ZNF280D: variants seen among roughly 807,000 people sequenced by gnomAD.
The protein encoded by ZNF280D is suppressor of hairy wing homolog 4.
A neutral mutation model predicts 94.7 loss-of-function variants in ZNF280D; 39 were observed. The observed-to-expected ratio is 0.41, with a 90% CI of 0.32 to 0.54. The LOEUF (loss-of-function observed/expected upper bound fraction) is 0.54. Among genes scored for constraint, ZNF280D ranks in the 20% least tolerant of loss-of-function variants. The pLI, the probability that ZNF280D is intolerant of heterozygous loss-of-function variation, is 0.22. For synonymous variants in ZNF280D, 398 were observed against 377.6 expected (o/e 1.05, Z -0.63); for missense variants, 1,090 against 1,149.3 (o/e 0.95, Z 0.75).
At chr15:56,641,974 T>C (rs1456803757) in intron 20 of ZNF280D, among the ~76,000 whole-genome samples, 2 of 151,472 alleles carry the variant, frequency 1.3e-5, no homozygotes, top group Non-Finnish European at 3.0e-5. Context: ...ATAATAAGAA[T>C]AGAAAAAGCA....
chr15:56,646,688 G>A (rs1174352213), intron 19 of ZNF280D, among the ~76,000 whole-genome samples: 1 of 152,160 alleles, frequency 6.6e-6, no homozygotes, highest in Non-Finnish European at 1.5e-5. Flanking sequence ...AAAAAAGACT[G>A]TCTCTCCTCT....
chr15:56,700,540 T>C (rs2057000927), intron 6 of ZNF280D: 1 of 1,061,496 alleles, frequency 9.4e-7, no homozygotes, highest in Non-Finnish European at 1.1e-6. Flanking sequence ...AACTGAACTA[T>C]GAAGGAATGT....
At chr15:56,710,659 T>C (rs1262789018) in intron 1 of ZNF280D, among the ~76,000 whole-genome samples, 1 of 151,360 alleles carries the variant, frequency 6.6e-6, no homozygotes, top group Non-Finnish European at 1.5e-5. Context: ...TTATTTTTTC[T>C]ATAAAAAAAA....
chr15:56,651,674 C>T (rs1464101422), intron 19 of ZNF280D, among the ~76,000 whole-genome samples: 6 of 152,018 alleles, frequency 3.9e-5, no homozygotes, highest in Admixed American at 3.9e-4. Flanking sequence ...CCAGGAATAA[C>T]AAAATCCTCA....
intron 20 of ZNF280D, among the ~76,000 whole-genome samples, chr15:56,638,539 T>G (rs1596323082): frequency 1.3e-5 from 2 of 152,122 alleles, no homozygotes; most frequent in Non-Finnish European, 2.9e-5. Flanking sequence ...AAAGAATGTA[T>G]CACAACAGAT....
chr15:56,707,506 C>T (rs545089871), intron 1 of ZNF280D, among the ~76,000 whole-genome samples, 200 bp from the exon 2 acceptor site: 1 of 151,860 alleles, frequency 6.6e-6, no homozygotes, highest in Non-Finnish European at 1.5e-5. Flanking sequence ...ACTTAATACT[C>T]GAAGAAATGT....
chr15:56,668,879 G>A lies in ZNF280D; in HGVS notation c.1489C>T (p.His497Tyr). The A allele has an allele frequency of 6.2e-7, 1 of 1,611,958 alleles. No homozygotes were observed. Among genetic ancestry groups the A allele is most frequent in the East Asian group, 2.2e-5 (1 of 44,690 alleles). Reference sequence around the variant, plus strand: ...TTAGGTTTTATAAATGTTCGATGGTGTTGAGTCTTATGATCCATTTTCTCC... The same window carrying A: ...TTAGGTTTTATAAATGTTCGATGGTATTGAGTCTTATGATCCATTTTCTCC... ...CKEKMDHKTQ[H>Y]HRTFIKPKQL... The change falls in exon 14 of 22, where the codon CAC becomes TAC. Residue 497 changes from histidine (H) to tyrosine (Y), a missense_variant. Transcript: ENST00000267807.
intron 19 of ZNF280D, chr15:56,653,882 G>A: frequency 8.1e-7 from 1 of 1,239,028 alleles, no homozygotes; most frequent in Non-Finnish European, 1.0e-6. Context: ...ACAAAGATAA[G>A]GTGGAATAAG....
At chr15:56,668,996 T>G (rs1466529412) in intron 13 of ZNF280D, 39 bp from the exon 14 acceptor site, 2 of 1,577,094 alleles carry the variant, frequency 1.3e-6, no homozygotes, top group South Asian at 1.2e-5. Flanking sequence ...AAAAATAATT[T>G]CAAAAACTAC....
Position 56,672,442 on chromosome 15 carries a change from C to A in ZNF280D, c.1411-3485G>T, listed in dbSNP as rs538728657. On this transcript the variant is annotated intron_variant, in intron 13 of 21. Transcript: ENST00000267807. ...TTCTGCATCTATTGAGATAATCATG[C>A]GATTTTTGTCTTTAGTTCTGTTTGT... Among the ~76,000 whole-genome samples the A allele has an allele frequency of 3.8e-4, 57 of 151,874 alleles. 2 individuals are homozygous for A. The highest frequency in any genetic ancestry group is 3.7e-3 in the Admixed American group (57 of 15,206).
At position 56,695,663 on chromosome 15, in the gene ZNF280D, G is replaced by C. The variant is rs189954596; in HGVS notation, c.382-2448C>G. 2.5e-3 allele frequency among the ~76,000 whole-genome samples: 383 copies of C among 151,494 alleles called. 2 individuals carry two copies. Among genetic ancestry groups the C allele is most frequent in the African/African-American group, 9.0e-3 (371 of 41,286 alleles). On this transcript the variant is annotated intron_variant, in intron 6 of 21. Transcript: ENST00000267807. ...TCCTGCCTCAGCCTCCCGAGTAGCC[G>C]GGACTACAGGTGCACACCACCATGC...
At chr15:56,716,851 C>A (rs74755324) in intron 1 of ZNF280D, among the ~76,000 whole-genome samples, 1 of 152,086 alleles carries the variant, frequency 6.6e-6, no homozygotes, top group Non-Finnish European at 1.5e-5. Context: ...TTTATTGGCT[C>A]ATTTGTAGAA....
Position 56,631,710 on chromosome 15 carries a change from C to T in ZNF280D, c.2728G>A (p.Val910Ile). 1.9e-6 allele frequency: 3 copies of T among 1,614,190 alleles called. 1 individual carries two copies. The South Asian group carries it at 3.3e-5, about 18-fold the overall frequency. The change falls in exon 22 of 22, where the codon GTT (valine) becomes ATT (isoleucine). Residue 910 changes from valine to isoleucine, a missense_variant. By Grantham distance (29) the Val-to-Ile change is conservative (BLOSUM62 3). Transcript: ENST00000267807. The part of the protein sequence containing the change: ...RHEPESVSSD[V>I]SEQGSIHLEP... ...AAATGAATACTGCCTTGCTCGCTAA[C>T]ATCAGAACTAACAGATTCAGGTTCA...
intron 9 of ZNF280D, among the ~76,000 whole-genome samples, chr15:56,686,723 T>G (rs1401915538): frequency 6.6e-6 from 1 of 152,156 alleles, no homozygotes; most frequent in East Asian, 1.9e-4. Context: ...GAATACCCCC[T>G]ATACTTTACA....
At chr15:56,700,741 A>G (rs1470172939) in intron 6 of ZNF280D, 192 bp downstream of exon 6, 2 of 1,478,558 alleles carry the variant, frequency 1.4e-6, no homozygotes, top group South Asian at 2.8e-5. Context: ...CAGGTTGGGT[A>G]GTTAGCTCCT....
intron 6 of ZNF280D, among the ~76,000 whole-genome samples, chr15:56,696,205 A>C (rs1735395307): frequency 6.6e-6 from 1 of 152,222 alleles, no homozygotes; most frequent in African/African-American, 2.4e-5. Context: ...ATAAAACATA[A>C]TCTTACTTCA....
intron 9 of ZNF280D, among the ~76,000 whole-genome samples, chr15:56,686,390 C>T (rs2056017964): frequency 6.6e-6 from 1 of 152,156 alleles, no homozygotes; most frequent in African/African-American, 2.4e-5. Context: ...CTGCTGGCCT[C>T]GGCCTCCCAA....
intron 10 of ZNF280D, among the ~76,000 whole-genome samples, chr15:56,681,620 T>C (rs952204117): frequency 6.6e-6 from 1 of 152,298 alleles, no homozygotes; most frequent in East Asian, 1.9e-4. Flanking sequence ...TTTCTCTTGT[T>C]ACTAATTTAT....
Position 56,733,492 on chromosome 15 carries a change from G to C in ZNF280D, c.-120C>G, listed in dbSNP as rs1327714888. ...AGCGGATCGGCCTGACTGGAGCCCT[G>C]AGGAGGAGGAGAAAGAGGAGGAGGA... is the stretch of plus-strand genomic sequence containing the variant. On this transcript the variant is annotated 5_prime_UTR_variant, in exon 1 of 22. Coordinates refer to ENST00000267807, the MANE Select transcript of ZNF280D (RefSeq NM_017661.4). The C allele has an allele frequency of 5.3e-6, 6 of 1,136,988 alleles. No homozygotes were observed. In the African/African-American group the frequency reaches 6.9e-5, roughly 13 times the overall value. The allele number at this position is 1,136,988 out of a possible 1,614,324, so 70.4% of individuals were successfully genotyped here. A position where few individuals can be genotyped will look rare whatever the true frequency, so the allele number is the denominator to read the frequency against.
Sources: gnomAD v4.1 joint callset for allele counts (sites outside exome capture counted in the v4.1 genomes callset) on GRCh38, gnomAD v4.1.1 for gene constraint, MANE v1.5 for transcripts, NCBI Gene and HGNC (gene_info 2026-07-23, HGNC 2026-07-21) for gene names.